KCND2: variants seen among roughly 807,000 people sequenced by gnomAD.
KCND2 encodes the protein A-type voltage-gated potassium channel KCND2.
In KCND2, 16 loss-of-function variants were observed where a neutral mutation model predicts 54.4. The ratio of observed to expected loss-of-function variants is 0.29; its 90% CI spans 0.20 to 0.45. The LOEUF is 0.45. KCND2 is among the 20% of genes least tolerant of loss of function. The pLI, the probability that KCND2 is intolerant of heterozygous loss-of-function variation, is 1.00. For synonymous variants in KCND2, 317 were observed against 310.7 expected, an observed-to-expected ratio of 1.02 and a Z score of -0.21; for missense variants, 486 against 824.2, an observed-to-expected ratio of 0.59 and a Z score of 5.02.
intron 1 of KCND2, among the ~76,000 whole-genome samples, chr7:120,343,018 A>C (rs1375997966): frequency 6.6e-6 from 1 of 152,184 alleles, no homozygotes; most frequent in Non-Finnish European, 1.5e-5. Flanking sequence ...GAGCTCTGCC[A>C]TCCACTAGAA....
In KCND2 at chr7:120,368,358, A is replaced by AT. The variant is rs535060052; in HGVS notation, c.1115+92618dup. On this transcript the variant is annotated intron_variant, in intron 1 of 5. Coordinates refer to ENST00000331113, the MANE Select transcript of KCND2 (RefSeq NM_012281.3). ...TAAGGTATTTCTTGACAGTTTAAGT[A>AT]TTTTTTTGTATGGAAGCCCAACTAC... Among the ~76,000 whole-genome samples, 820 of 151,998 alleles carry AT rather than the reference A, an allele frequency of 5.4e-3. 11 individuals are homozygous for AT. Among genetic ancestry groups the AT allele is most frequent in the African/African-American group, 0.017 (690 of 41,508 alleles).
chr7:120,707,124 C>A (rs1308180126), intron 1 of KCND2, among the ~76,000 whole-genome samples: 1 of 152,098 alleles, frequency 6.6e-6, no homozygotes, highest in Non-Finnish European at 1.5e-5. Context: ...CAGGAGAGAA[C>A]TTCTTTTTTG....
chr7:120,369,714 CA>C (rs1338176465), intron 1 of KCND2, among the ~76,000 whole-genome samples: 2 of 151,904 alleles, frequency 1.3e-5, no homozygotes. Flanking sequence ...AACTGCTAAC[CA>C]GTTTTGTTTA....
intron 1 of KCND2, among the ~76,000 whole-genome samples, chr7:120,620,996 C>A (rs548435709): frequency 1.3e-5 from 2 of 151,986 alleles, no homozygotes; most frequent in Non-Finnish European, 2.9e-5. Context: ...CCATATGGGT[C>A]GGGCATGGTG....
chr7:120,354,282 A>G (rs1261619022), intron 1 of KCND2, among the ~76,000 whole-genome samples: 2 of 152,174 alleles, frequency 1.3e-5, no homozygotes, highest in African/African-American at 4.8e-5. Context: ...GACTTTTTTG[A>G]TAATATTGGT....
intron 1 of KCND2, among the ~76,000 whole-genome samples, chr7:120,513,611 A>G (rs1803153055): frequency 6.6e-6 from 1 of 152,252 alleles, no homozygotes; most frequent in African/African-American, 2.4e-5. Context: ...GGTGAGTACT[A>G]TATAAAGATA....
chr7:120,574,067 G>A (rs1461560997), intron 1 of KCND2, among the ~76,000 whole-genome samples: 1 of 151,990 alleles, frequency 6.6e-6, no homozygotes, highest in Non-Finnish European at 1.5e-5. Flanking sequence ...TTTAGACTGA[G>A]GAAAAAATAG....
chr7:120,592,610 T>A (rs945305032), intron 1 of KCND2, among the ~76,000 whole-genome samples: 4 of 152,216 alleles, frequency 2.6e-5, no homozygotes, highest in Admixed American at 2.6e-4. Flanking sequence ...AAAAGTTTTC[T>A]TTGACAAAAT....
chr7:120,309,472 TATACACACACAC>T, intron 1 of KCND2, among the ~76,000 whole-genome samples: 1 of 122,598 alleles, frequency 8.2e-6, no homozygotes, highest in African/African-American at 3.0e-5. Flanking sequence ...TATATATATA[TATACACACACAC>T]ACACACACAC....
chr7:120,497,043 A>G (rs951407620), intron 1 of KCND2, among the ~76,000 whole-genome samples: 9 of 152,232 alleles, frequency 5.9e-5, no homozygotes, highest in African/African-American at 2.2e-4. Flanking sequence ...ATAATTTACA[A>G]GAACTGTCAT....
intron 1 of KCND2, among the ~76,000 whole-genome samples, chr7:120,435,388 T>C (rs1239416166): frequency 6.6e-6 from 1 of 151,816 alleles, no homozygotes; most frequent in Non-Finnish European, 1.5e-5. Context: ...ATGCTGACAT[T>C]ACAGGTGTGA....
In KCND2 at chr7:120,273,366, GCCGGCC is replaced by G. The variant is rs905808908; in HGVS notation, c.-1252_-1247del. 3.4e-5 allele frequency among the ~76,000 whole-genome samples: 5 copies of G among 148,484 alleles called. No individual in the cohort carries two copies. The highest frequency in any genetic ancestry group is 6.0e-5 in the Non-Finnish European group (4 of 66,686). Reference sequence around the variant, plus strand: ...CCTCCGCGCTCGGACGAGAGCCCGTGCCGGCCCCGGCCCCGGCCCCACCGCGCCAAC... The same window carrying G: ...CCTCCGCGCTCGGACGAGAGCCCGTGCCGGCCCCGGCCCCACCGCGCCAAC... On this transcript the variant is annotated 5_prime_UTR_variant, in exon 1 of 6. Coordinates refer to ENST00000331113, the MANE Select transcript of KCND2 (RefSeq NM_012281.3).
intron 1 of KCND2, among the ~76,000 whole-genome samples, chr7:120,727,229 T>C (rs1792744877): frequency 6.6e-6 from 1 of 152,080 alleles, no homozygotes; most frequent in Non-Finnish European, 1.5e-5. Context: ...TATTTCTCCA[T>C]TTGAGATATA....
chr7:120,457,863 A>G (rs1448620669), intron 1 of KCND2, among the ~76,000 whole-genome samples: 3 of 152,198 alleles, frequency 2.0e-5, no homozygotes, highest in African/African-American at 7.2e-5. Context: ...TCACACTGCT[A>G]ACAAAGACAT....
At chr7:120,369,158 G>A (rs1464138943) in intron 1 of KCND2, among the ~76,000 whole-genome samples, 1 of 151,408 alleles carries the variant, frequency 6.6e-6, no homozygotes, top group African/African-American at 2.4e-5. Context: ...AGAAAGTTTT[G>A]ACAAGCATAA....
chr7:120,331,262 T>G (rs58972504), intron 1 of KCND2, among the ~76,000 whole-genome samples: 3,249 of 152,188 alleles, frequency 0.021, 131 homozygotes, highest in African/African-American at 0.074. Context: ...AGAAAATCAT[T>G]TTGAAGCAAA....
chr7:120,675,314 T>A (rs1792046256), intron 1 of KCND2, among the ~76,000 whole-genome samples: 1 of 152,038 alleles, frequency 6.6e-6, no homozygotes, highest in Non-Finnish European at 1.5e-5. Flanking sequence ...CTCACTGTAA[T>A]CTCTGCCCCC....
chr7:120,726,818 G>T (rs66525734), intron 1 of KCND2, among the ~76,000 whole-genome samples: 1 of 152,014 alleles, frequency 6.6e-6, no homozygotes, highest in Non-Finnish European at 1.5e-5. Context: ...CTGTGCACCT[G>T]CACAGGATCT....
At chr7:120,409,683 T>C (rs1801419677) in intron 1 of KCND2, among the ~76,000 whole-genome samples, 1 of 151,938 alleles carries the variant, frequency 6.6e-6, no homozygotes, top group South Asian at 2.1e-4. Context: ...GCCATACTTT[T>C]TTTTTGGTCA....
Sources: gnomAD v4.1 joint callset for allele counts (sites outside exome capture counted in the v4.1 genomes callset) on GRCh38, gnomAD v4.1.1 for gene constraint, MANE v1.5 for transcripts, NCBI Gene and HGNC (gene_info 2026-07-23, HGNC 2026-07-21) for gene names.